Variants in CAMK2B observed in about 807,000 individuals in gnomAD.
CAMK2B encodes calcium/calmodulin-dependent protein kinase type II subunit beta.
Under a neutral mutation model 93.7 loss-of-function variants are expected in CAMK2B, and 27 were observed. The observed-to-expected ratio is 0.29, with a 90% CI of 0.21 to 0.40. The LOEUF is 0.40. CAMK2B is among the 10% of genes least tolerant of loss of function. The pLI, the probability that CAMK2B is intolerant of heterozygous loss-of-function variation, is 1.00. For synonymous variants in CAMK2B, 374 were observed against 358.8 expected, an observed-to-expected ratio of 1.04 and a Z score of -0.48; for missense variants, 568 against 895.8, an observed-to-expected ratio of 0.63 and a Z score of 4.67.
In CAMK2B at chr7:44,229,414, G is replaced by T; in HGVS notation, c.1313C>A (p.Ala438Asp). 6.6e-7 allele frequency: 1 copy of T among 1,520,282 alleles called. No individual in the cohort carries two copies. The highest frequency in any genetic ancestry group is 8.8e-7 in the Non-Finnish European group (1 of 1,134,516). 94.2% of individuals were successfully genotyped at this position (1,520,282 alleles called of 1,614,324 possible). A position where few individuals can be genotyped will look rare whatever the true frequency, so the allele number is the denominator to read the frequency against. Residue 438 changes from alanine (A) to aspartate (D), a missense_variant, in exon 18 of 24, where the codon GCT becomes GAT. By Grantham distance (126) the Ala-to-Asp change is moderately radical. This residue lies in a region of CAMK2B where 308 missense variants were observed against 292.1 expected (regional missense o/e 1.05). Coordinates refer to ENST00000395749, the MANE Select transcript of CAMK2B (RefSeq NM_001220.5). ...AEGPLPCPSP[A>D]PFSPLPAPSP... ...TGGGGCTGGCAGGGGGCTAAAGGGA[G>T]CCGGAGATGGGCAGGGCAGGGGCCC...
At chr7:44,303,593 T>C (rs1482246369) in intron 1 of CAMK2B, among the ~76,000 whole-genome samples, 1 of 152,182 alleles carries the variant, frequency 6.6e-6, no homozygotes, top group Non-Finnish European at 1.5e-5. Flanking sequence ...CCTTTCATAA[T>C]GATTAACTTA....
intron 1 of CAMK2B, among the ~76,000 whole-genome samples, chr7:44,303,189 C>G (rs10235682): frequency 2.0e-5 from 3 of 152,068 alleles, no homozygotes; most frequent in Non-Finnish European, 4.4e-5. Flanking sequence ...AGGTATAAAT[C>G]TAACAAAATA....
At chr7:44,307,310 G>A (rs1259171497) in intron 1 of CAMK2B, among the ~76,000 whole-genome samples, 6 of 141,516 alleles carry the variant, frequency 4.2e-5, no homozygotes, top group South Asian at 2.4e-4. Context: ...GTGAGCAGGC[G>A]GAGGAGGGTG....
intron 20 of CAMK2B, among the ~76,000 whole-genome samples, chr7:44,222,698 C>T (rs1171980902): frequency 6.6e-6 from 1 of 152,196 alleles, no homozygotes; most frequent in Non-Finnish European, 1.5e-5. Flanking sequence ...CCCACCTCGG[C>T]CTCCCAAAGT....
At chr7:44,325,717 C>A, upstream of CAMK2B, 1 of 145,022 alleles carries the variant, frequency 6.9e-6, no homozygotes, top group Non-Finnish European at 1.5e-5. Context: ...GCCTTCCCCG[C>A]GCCCTGCACA....
rs79948413 is a variant in CAMK2B at position 44,248,969 on chromosome 7, C to T, written c.342-1777G>A. 4.3e-3 allele frequency among the ~76,000 whole-genome samples: 653 copies of T among 152,062 alleles called. 2 individuals carry two copies. Among genetic ancestry groups the T allele is most frequent in the African/African-American group, 0.015 (612 of 41,456 alleles). On this transcript the variant is annotated intron_variant, in intron 5 of 23. Coordinates refer to ENST00000395749, the MANE Select transcript of CAMK2B (RefSeq NM_001220.5). This position sits in a 1 kb window ranked among gnomAD's most constrained non-coding sequence, Gnocchi z 4.1. ...GCCCTGGGGTGTCCTGCCTTCCCTC[C>T]TCCCCATGTGCCCTGGGGTGTCCTG...
In CAMK2B at chr7:44,229,508, C is replaced by T. The variant is rs1464609713; in HGVS notation, c.1226-7G>A. The T allele has an allele frequency of 6.5e-6, 9 of 1,383,646 alleles. No individual in the cohort carries two copies. Among genetic ancestry groups the T allele is most frequent in the East Asian group, 5.9e-5 (2 of 34,136 alleles). 85.7% of individuals were successfully genotyped at this position (1,383,646 alleles called of 1,614,324 possible). On this transcript the variant is annotated splice_region_variant and splice_polypyrimidine_tract_variant and intron_variant, in intron 17 of 23. Coordinates refer to ENST00000395749, the MANE Select transcript of CAMK2B (RefSeq NM_001220.5). ...ATGTCGGGGACCCTGGGGGCTGAGG[C>T]GGAACAGGTGAGGCAGGCAGGTGGG...
intron 4 of CAMK2B, among the ~76,000 whole-genome samples, chr7:44,255,830 C>T (rs867430481): frequency 4.6e-5 from 7 of 152,184 alleles, no homozygotes; most frequent in Non-Finnish European, 7.3e-5. Context: ...TGTTGAATGT[C>T]GGCTCACCCC....
At chr7:44,221,895 T>C (rs2096412189) in intron 20 of CAMK2B, among the ~76,000 whole-genome samples, 1 of 152,224 alleles carries the variant, frequency 6.6e-6, no homozygotes, top group African/African-American at 2.4e-5. Flanking sequence ...GATTCAAATC[T>C]TAACATTTTC....
chr7:44,253,211 T>A (rs2096796627), intron 5 of CAMK2B, among the ~76,000 whole-genome samples: 1 of 151,876 alleles, frequency 6.6e-6, no homozygotes, highest in Admixed American at 6.5e-5. Flanking sequence ...GTTTTTTTTT[T>A]TTGGTTTTTT....
rs1219547542 is a variant in CAMK2B at position 44,274,503 on chromosome 7, G to A, written c.160+9628C>T. On this transcript the variant is annotated intron_variant, in intron 2 of 23. Transcript: ENST00000395749. ...CCCAGGCCTCAAACCCGCACCTTTC[G>A]GGCTTCCCCGCTCCTGCCCAAGTCG... is the stretch of plus-strand genomic sequence containing the variant. Among the ~76,000 whole-genome samples the A allele has an allele frequency of 2.6e-5, 4 of 152,262 alleles. 1 individual carries two copies. Among genetic ancestry groups the A allele is most frequent in the South Asian group, 2.1e-4 (1 of 4,822 alleles).
chr7:44,258,212 C>G (rs2096850466), intron 4 of CAMK2B, among the ~76,000 whole-genome samples: 1 of 152,276 alleles, frequency 6.6e-6, no homozygotes, highest in Non-Finnish European at 1.5e-5. Context: ...GAAACACTCA[C>G]ACATGCACAT....
At chr7:44,270,080 C>A (rs572942047) in intron 2 of CAMK2B, among the ~76,000 whole-genome samples, 4 of 152,092 alleles carry the variant, frequency 2.6e-5, no homozygotes, top group African/African-American at 7.2e-5. Context: ...ACGTACCCCC[C>A]CCCCATTCCA....
At chr7:44,226,742 C>G (rs1481147598) in intron 19 of CAMK2B, 98 bp from the exon 20 acceptor site, 30 of 791,838 alleles carry the variant, frequency 3.8e-5, no homozygotes, top group Non-Finnish European at 4.9e-5. Context: ...TTGAGGGGCA[C>G]AGAGGCAGAT....
rs1187050867 is a variant in CAMK2B at position 44,311,078 on chromosome 7, A to G, written c.65+14279T>C. Among the ~76,000 whole-genome samples, 3 of 151,952 alleles carry G rather than the reference A, an allele frequency of 2.0e-5. No individual in the cohort carries two copies. Among genetic ancestry groups the G allele is most frequent in the African/African-American group, 7.3e-5 (3 of 41,368 alleles). ...TTAAAATCTGGTTTTTATTTTTATT[A>G]TTTTTTTACTTTTTTGAGACAGTCT... On this transcript the variant is annotated intron_variant, in intron 1 of 23. Coordinates refer to ENST00000395749, the MANE Select transcript of CAMK2B (RefSeq NM_001220.5). The surrounding 1 kb of genome is among the most constrained non-coding windows in gnomAD (Gnocchi z 4.2).
Position 44,311,640 on chromosome 7 carries a change from T to G in CAMK2B, c.65+13717A>C, listed in dbSNP as rs1385381332. Among the ~76,000 whole-genome samples the G allele has an allele frequency of 6.6e-6, 1 of 152,166 alleles. No individual in the cohort carries two copies. The highest frequency in any genetic ancestry group is 1.5e-5 in the Non-Finnish European group (1 of 68,024). The stretch of plus-strand genomic sequence containing the variant: ...CCCCGGGTACCCAGAGGGGCTGTCC[T>G]GCCCCTGCGAGCACCACAGCCTGGC... On this transcript the variant is annotated intron_variant, in intron 1 of 23. Transcript: ENST00000395749. This position sits in a 1 kb window ranked among gnomAD's most constrained non-coding sequence, Gnocchi z 4.2.
In CAMK2B at chr7:44,311,555, T is replaced by G. The variant is rs1007967176; in HGVS notation, c.65+13802A>C. On this transcript the variant is annotated intron_variant, in intron 1 of 23. Transcript: ENST00000395749. This position sits in a 1 kb window ranked among gnomAD's most constrained non-coding sequence, Gnocchi z 4.2. ...CAGGTAAGATTGTTGTGCCCCAGCATGTGCCCCTGAGGCTGGCCCCGGGTG... is the reference window on the plus strand; with the variant it reads ...CAGGTAAGATTGTTGTGCCCCAGCAGGTGCCCCTGAGGCTGGCCCCGGGTG... 1.3e-5 allele frequency among the ~76,000 whole-genome samples: 2 copies of G among 152,326 alleles called. No homozygotes were observed. Among genetic ancestry groups the G allele is most frequent in the East Asian group, 3.9e-4 (2 of 5,182 alleles).
chr7:44,276,002 C>T (rs946414208), intron 2 of CAMK2B, among the ~76,000 whole-genome samples: 1 of 152,118 alleles, frequency 6.6e-6, no homozygotes, highest in African/African-American at 2.4e-5. Context: ...GCCAAGAGTT[C>T]GGTGGGGGTC....
At chr7:44,228,425 G>A (rs1005496025) in intron 19 of CAMK2B, among the ~76,000 whole-genome samples, 1 of 152,120 alleles carries the variant, frequency 6.6e-6, no homozygotes, top group African/African-American at 2.4e-5. Flanking sequence ...CCCCTGGGTG[G>A]GTGTGAAGTC....
Sources: allele counts gnomAD v4.1 joint callset (sites outside exome capture counted in the v4.1 genomes callset), GRCh38; gene constraint gnomAD v4.1.1; regional missense constraint gnomAD v4.1.1; non-coding constraint Gnocchi (gnomAD v3.1); transcripts MANE v1.5; gene names NCBI Gene and HGNC (gene_info 2026-07-23, HGNC 2026-07-21).